The following EPHA6 variants were observed in gnomAD, a reference collection of about 807,000 sequenced individuals.
The protein encoded by EPHA6 is ephrin type-A receptor 6.
EPHA6 carries 50 observed loss-of-function variants against 112.0 expected under a neutral mutation model. The ratio of observed to expected loss-of-function variants is 0.45; its 90% CI spans 0.36 to 0.56. The LOEUF is 0.56. EPHA6 is among the 20% of genes least tolerant of loss of function. The pLI, the probability that EPHA6 is intolerant of heterozygous loss-of-function variation, is 0.00. For missense variants in EPHA6, 1,280 were observed against 1,417.4 expected (o/e 0.90, Z 1.56); for synonymous variants, 529 against 490.7 (o/e 1.08, Z -1.03).
intron 5 of EPHA6, among the ~76,000 whole-genome samples, chr3:97,337,869 C>T (rs2083131315): frequency 6.6e-6 from 1 of 152,066 alleles, no homozygotes; most frequent in Non-Finnish European, 1.5e-5. Flanking sequence ...TCACTTACTC[C>T]TTTGAAGACG....
chr3:97,153,713 C>T (rs1157352340), intron 3 of EPHA6, among the ~76,000 whole-genome samples: 1 of 151,990 alleles, frequency 6.6e-6, no homozygotes, highest in Non-Finnish European at 1.5e-5. Flanking sequence ...ATTGATTGTG[C>T]CATGTGGAAT....
intron 5 of EPHA6, among the ~76,000 whole-genome samples, chr3:97,288,886 A>G (rs1216791348): frequency 1.4e-5 from 2 of 145,148 alleles, no homozygotes; most frequent in African/African-American, 2.5e-5. Flanking sequence ...TCTTTTGAGA[A>G]GTGTCTGTCC....
At chr3:97,606,718 T>C (rs562891309) in intron 12 of EPHA6, among the ~76,000 whole-genome samples, 2 of 151,390 alleles carry the variant, frequency 1.3e-5, no homozygotes, top group Admixed American at 6.6e-5. Flanking sequence ...ATAACTGTGT[T>C]CAAATGGCAT....
At chr3:97,436,911 T>A (rs1004578851) in intron 6 of EPHA6, among the ~76,000 whole-genome samples, 1 of 152,208 alleles carries the variant, frequency 6.6e-6, no homozygotes, top group Admixed American at 6.5e-5. Context: ...AGTTCTTAGA[T>A]AAATTTTATT....
chr3:97,367,718 A>G (rs1426543139), intron 5 of EPHA6, among the ~76,000 whole-genome samples: 1 of 151,846 alleles, frequency 6.6e-6, no homozygotes, highest in Admixed American at 6.6e-5. Flanking sequence ...TTGTAACCCA[A>G]TTGGTATGGT....
chr3:97,373,359 A>G (rs892763825), intron 5 of EPHA6, among the ~76,000 whole-genome samples: 1 of 152,142 alleles, frequency 6.6e-6, no homozygotes, highest in Non-Finnish European at 1.5e-5. Context: ...CAGCTTAGTC[A>G]TGAAATCACA....
At chr3:97,275,030 G>C (rs1345072571) in intron 5 of EPHA6, among the ~76,000 whole-genome samples, 1 of 152,166 alleles carries the variant, frequency 6.6e-6, no homozygotes, top group Non-Finnish European at 1.5e-5. Flanking sequence ...GATTTTTAGG[G>C]CCTCTAAAAG....
intron 13 of EPHA6, among the ~76,000 whole-genome samples, chr3:97,627,050 C>T (rs301922): frequency 0.99 from 150,890 of 152,016 alleles, 74,893 homozygotes; most frequent in East Asian, 1. Flanking sequence ...AGCTCACTTA[C>T]TGTTTACAAC....
At chr3:97,748,468 T>C in intron 17 of EPHA6, 119 bp from the exon 18 acceptor site, 1 of 632,076 alleles carries the variant, frequency 1.6e-6, no homozygotes, top group Non-Finnish European at 2.9e-6. Flanking sequence ...TATATTTAAA[T>C]ATTCACTTTA....
chr3:96,892,807 C>T (rs1238454616), intron 2 of EPHA6, among the ~76,000 whole-genome samples: 1 of 151,686 alleles, frequency 6.6e-6, no homozygotes, highest in Non-Finnish European at 1.5e-5. Context: ...CTTAACAAGT[C>T]TTTCATAATT....
At chr3:97,447,268 A>G (rs1639181540) in intron 6 of EPHA6, among the ~76,000 whole-genome samples, 1 of 152,146 alleles carries the variant, frequency 6.6e-6, no homozygotes, top group Non-Finnish European at 1.5e-5. Flanking sequence ...TATTCTCCAT[A>G]TGTGTACATT....
At chr3:97,240,741 A>G (rs1465553609) in intron 4 of EPHA6, among the ~76,000 whole-genome samples, 1 of 151,814 alleles carries the variant, frequency 6.6e-6, no homozygotes, top group African/African-American at 2.4e-5. Context: ...ATTCCTCTAG[A>G]TGATCCTTGG....
intron 3 of EPHA6, among the ~76,000 whole-genome samples, chr3:97,046,692 CA>C (rs1187926188): frequency 1.3e-5 from 2 of 151,930 alleles, no homozygotes; most frequent in Non-Finnish European, 2.9e-5. Flanking sequence ...TTACAAAAGC[CA>C]GTAGTAATTC....
chr3:97,731,103 A>T (rs186509096), intron 15 of EPHA6, among the ~76,000 whole-genome samples: 97 of 152,218 alleles, frequency 6.4e-4, no homozygotes, highest in Non-Finnish European at 7.8e-4. Context: ...CTTTGCAGTG[A>T]TCAAAATGGG....
intron 3 of EPHA6, among the ~76,000 whole-genome samples, chr3:97,197,221 C>T (rs1044670927): frequency 1.3e-5 from 2 of 152,044 alleles, no homozygotes; most frequent in Admixed American, 6.6e-5. Context: ...TCTTCCCTCT[C>T]CTTTCCTCAA....
chr3:97,220,718 A>T (rs1295717299), intron 3 of EPHA6, among the ~76,000 whole-genome samples: 1 of 152,142 alleles, frequency 6.6e-6, no homozygotes, highest in Non-Finnish European at 1.5e-5. Flanking sequence ...ACACATGGGG[A>T]TTATGAGGAT....
chr3:97,667,102 C>A (rs935662744), intron 14 of EPHA6, among the ~76,000 whole-genome samples: 1 of 152,280 alleles, frequency 6.6e-6, no homozygotes, highest in Non-Finnish European at 1.5e-5. Context: ...TTTTGACTTA[C>A]AAATGCCAGG....
At chr3:97,004,639 G>A (rs2043805939) in intron 3 of EPHA6, among the ~76,000 whole-genome samples, 1 of 152,118 alleles carries the variant, frequency 6.6e-6, no homozygotes, top group African/African-American at 2.4e-5. Flanking sequence ...AAGCTCTTTA[G>A]ACTAATTAGA....
chr3:97,498,599 G>T (rs2107546859), intron 10 of EPHA6, among the ~76,000 whole-genome samples: 1 of 152,308 alleles, frequency 6.6e-6, no homozygotes, highest in Admixed American at 6.5e-5. Flanking sequence ...AGGGTCACTT[G>T]TTGGTTGATG....
Sources: gnomAD v4.1 joint callset for allele counts (sites outside exome capture counted in the v4.1 genomes callset) on GRCh38, gnomAD v4.1.1 for gene constraint, MANE v1.5 for transcripts, NCBI Gene and HGNC (gene_info 2026-07-23, HGNC 2026-07-21) for gene names.